AGT: variants seen among roughly 807,000 people sequenced by gnomAD.
AGT encodes the protein angiotensinogen.
In AGT, 26 loss-of-function variants were observed where a neutral mutation model predicts 28.1. The observed-to-expected ratio is 0.92, with a 90% confidence interval of 0.68 to 1.28. AGT has a LOEUF of 1.28. Ranked by LOEUF, AGT falls within the 50% of genes most tolerant of loss-of-function variation. The pLI is 0.00. For missense variants in AGT, 596 were observed against 592.3 expected, an observed-to-expected ratio of 1.01 and a Z score of -0.06; for synonymous variants, 259 against 259.6, an observed-to-expected ratio of 1.00 and a Z score of 0.02.
intron 1 of AGT, among the ~76,000 whole-genome samples, chr1:230,737,797 T>C (rs1304556814): frequency 6.6e-6 from 1 of 152,168 alleles, no homozygotes; most frequent in African/African-American, 2.4e-5. Flanking sequence ...ATTTTTAGCA[T>C]ATTTAGAGTT....
chr1:230,716,698 C>T (rs1477113381), upstream of AGT, among the ~76,000 whole-genome samples: 3 of 152,210 alleles, frequency 2.0e-5, no homozygotes, highest in Non-Finnish European at 2.9e-5. Context: ...TCCTCCTTCA[C>T]CTTCCACCAT....
intron 1 of AGT, among the ~76,000 whole-genome samples, chr1:230,713,708 C>T (rs571322155): frequency 2.0e-5 from 3 of 152,222 alleles, no homozygotes; most frequent in Admixed American, 6.5e-5. Flanking sequence ...TGACCGAGCC[C>T]GGCCCTTCCC....
In AGT at chr1:230,703,032, T is replaced by TG; in HGVS notation, c.*108dup. The TG allele has an allele frequency of 8.0e-7, 1 of 1,244,288 alleles. No homozygotes were observed. 77.1% of individuals were successfully genotyped at this position (1,244,288 alleles called of 1,614,324 possible). A position where few individuals can be genotyped will look rare whatever the true frequency, so the allele number is the denominator to read the frequency against. On this transcript the variant is annotated 3_prime_UTR_variant, in exon 5 of 5. Transcript: ENST00000366667. ...CTCATTAGAAGAAAAGGTGGGAGACTGGGGGTGACACATCGCTGATTTGTC... is the reference window on the plus strand; with the variant it reads ...CTCATTAGAAGAAAAGGTGGGAGACTGGGGGGTGACACATCGCTGATTTGTC...
rs1196193266 is a variant in AGT, at chr1:230,703,115, A to G, written c.*26T>C. The G allele has an allele frequency of 1.3e-5, 21 of 1,611,166 alleles. No individual in the cohort carries two copies. Among genetic ancestry groups the G allele is most frequent in the Non-Finnish European group, 1.8e-5 (21 of 1,178,786 alleles). Reference sequence around the variant, plus strand: ...AAAGGCCAGGGGCAGAGGCCTTGCCAGGCACTGTGTTCTGGGGCCCTGGCC... The same window carrying G: ...AAAGGCCAGGGGCAGAGGCCTTGCCGGGCACTGTGTTCTGGGGCCCTGGCC... On this transcript the variant is annotated 3_prime_UTR_variant, in exon 5 of 5. Coordinates refer to ENST00000366667, the MANE Select transcript of AGT (RefSeq NM_001384479.1).
At chr1:230,741,250 A>G (rs541209907) in intron 1 of AGT, among the ~76,000 whole-genome samples, 2 of 152,314 alleles carry the variant, frequency 1.3e-5, no homozygotes, top group East Asian at 3.9e-4. Flanking sequence ...AGTGATCTAG[A>G]GCTTACTTAG....
intron 1 of AGT, among the ~76,000 whole-genome samples, chr1:230,743,610 G>A (rs965840593): frequency 1.5e-4 from 23 of 152,324 alleles, no homozygotes; most frequent in African/African-American, 4.3e-4. Flanking sequence ...TACAAATGTC[G>A]CAGCCGGGTG....
chr1:230,705,781 C>T (rs1227581634), intron 3 of AGT, 152 bp downstream of exon 3: 6 of 946,012 alleles, frequency 6.3e-6, no homozygotes, highest in African/African-American at 1.6e-5. Flanking sequence ...GGTAGACAGA[C>T]ACACAGGCCG....
upstream of AGT, among the ~76,000 whole-genome samples, chr1:230,719,383 T>TTATTATTATTATTA (rs1159358719): frequency 3.4e-5 from 5 of 147,730 alleles, no homozygotes; most frequent in South Asian, 2.1e-4. Context: ...CTTTCTATTT[T>TTATTATTATTATTA]TTATTATTAT....
At chr1:230,727,901 A>G (rs1367061065) in intron 1 of AGT, among the ~76,000 whole-genome samples, 3 of 152,200 alleles carry the variant, frequency 2.0e-5, no homozygotes, top group African/African-American at 7.2e-5. Context: ...GGGAGTTGCA[A>G]TAGAGAAAGA....
At chr1:230,721,627 A>C (rs1663845005) in intron 1 of AGT, among the ~76,000 whole-genome samples, 1 of 152,196 alleles carries the variant, frequency 6.6e-6, no homozygotes, top group African/African-American at 2.4e-5. Context: ...TTTTGACCAA[A>C]ATGTTGATAG....
At chr1:230,712,726 G>A (rs1188281942) in intron 1 of AGT, among the ~76,000 whole-genome samples, 2 of 152,226 alleles carry the variant, frequency 1.3e-5, no homozygotes, top group East Asian at 3.9e-4. Context: ...CATTTTTGAG[G>A]CAGAGACTGT....
intron 2 of AGT, among the ~76,000 whole-genome samples, chr1:230,707,661 C>T (rs374176107): frequency 6.6e-6 from 1 of 152,358 alleles, no homozygotes; most frequent in South Asian, 2.1e-4. Context: ...CGGTGCTGCC[C>T]ACCTGGGCTG....
At chr1:230,730,430 G>A (rs1316905674) in intron 1 of AGT, among the ~76,000 whole-genome samples, 1 of 152,072 alleles carries the variant, frequency 6.6e-6, no homozygotes, top group African/African-American at 2.4e-5. Context: ...TTGACTTGCG[G>A]CCATGCTCCT....
intron 1 of AGT, among the ~76,000 whole-genome samples, chr1:230,713,254 A>G (rs1663646083): frequency 6.6e-6 from 1 of 152,170 alleles, no homozygotes; most frequent in South Asian, 2.1e-4. Flanking sequence ...AATACAGCCC[A>G]CATTCCTAGG....
rs146773738 is a variant in AGT at position 230,710,721 on chromosome 1, C to A, written c.103G>T (p.Val35Phe). The A allele has an allele frequency of 6.2e-7, 1 of 1,613,954 alleles. No homozygotes were observed. The highest frequency in any genetic ancestry group is 1.3e-5 in the African/African-American group (1 of 74,910). Residue 35 changes from valine to phenylalanine, a missense_variant, in exon 2 of 5, where the codon GTC becomes TTC. By Grantham distance (50) the Val-to-Phe change is conservative. Transcript: ENST00000366667. ...DRVYIHPFHL[V>F]IHNESTCEQL... The stretch of plus-strand genomic sequence containing the variant: ...TCACAGGTACTCTCATTGTGGATGA[C>A]GAGGTGGAAGGGGTGTATGTACACC...
intron 1 of AGT, 150 bp downstream of exon 1, chr1:230,713,936 A>G (rs1663667189): frequency 6.6e-6 from 1 of 152,132 alleles, no homozygotes. Flanking sequence ...GAGTGGGGGA[A>G]AGCCCGCGTC....
chr1:230,731,531 C>T (rs73102660), intron 1 of AGT, among the ~76,000 whole-genome samples: 9,977 of 152,238 alleles, frequency 0.066, 576 homozygotes, highest in East Asian at 0.14. Context: ...ACCTCCTTGT[C>T]CTCTGCCTTC....
chr1:230,711,819 A>G (rs1473599048), intron 1 of AGT, among the ~76,000 whole-genome samples: 1 of 32,662 alleles, frequency 3.1e-5, no homozygotes, highest in Non-Finnish European at 4.3e-5. Context: ...CCACGTATAA[A>G]AAAAAAAAAA....
At chr1:230,704,117 T>G in intron 4 of AGT, 76 bp downstream of exon 4, 1 of 1,609,180 alleles carries the variant, frequency 6.2e-7, no homozygotes, top group Non-Finnish European at 8.5e-7. Flanking sequence ...GCCTCCTCTG[T>G]GTCCCTTACA....
Sources: gnomAD v4.1 joint callset for allele counts (sites outside exome capture counted in the v4.1 genomes callset) on GRCh38, gnomAD v4.1.1 for gene constraint, MANE v1.5 for transcripts, NCBI Gene and HGNC (gene_info 2026-07-23, HGNC 2026-07-21) for gene names.